FHOD3: variants seen among roughly 807,000 people sequenced by gnomAD.
The protein encoded by FHOD3 is FH1/FH2 domain-containing protein 3.
FHOD3 carries 90 observed loss-of-function variants against 173.0 expected under a neutral mutation model. The ratio of observed to expected loss-of-function variants is 0.52; its 90% CI spans 0.44 to 0.62. The LOEUF is 0.62. Among genes scored for constraint, FHOD3 ranks in the 20% least tolerant of loss-of-function variants. The probability of loss-of-function intolerance (pLI) is 0.00; values close to 1 mark genes in which losing one functional copy is unlikely to be tolerated. For synonymous variants in FHOD3, 828 were observed against 823.0 expected, an observed-to-expected ratio of 1.01 and a Z score of -0.10; for missense variants, 1,945 against 2,034.7, an observed-to-expected ratio of 0.96 and a Z score of 0.85.
In FHOD3 at chr18:36,486,736, CCTTTTGA is replaced by C. The variant is rs2054212286; in HGVS notation, c.338-15194_338-15188del. Among the ~76,000 whole-genome samples the C allele has an allele frequency of 2.0e-5, 3 of 152,174 alleles. No homozygotes were observed. In the South Asian group the frequency reaches 6.2e-4, roughly 32 times the overall value. ...ATGCACACATTTTAAATCCAGTTCA[CCTTTTGA>C]CAACTATATCTCAAACAAGACAAAA... On this transcript the variant is annotated intron_variant, in intron 3 of 28. Transcript: ENST00000590592.
In FHOD3 at chr18:36,297,888, A is replaced by G. The variant is rs780506143; in HGVS notation, c.53A>G (p.Asn18Ser). ...TTCTTGGACGACACGGACCCTTTCAACAGCACCAACTTCCCCGAGCCCAGC... is the reference window on the plus strand; with the variant it reads ...TTCTTGGACGACACGGACCCTTTCAGCAGCACCAACTTCCCCGAGCCCAGC... The part of the protein sequence containing the change: ...VQFLDDTDPF[N>S]STNFPEPSRP... Residue 18 changes from asparagine (N) to serine (S), a missense_variant, in exon 1 of 29, where the codon AAC becomes AGC. This residue lies in a region of FHOD3 where 245 missense variants were observed against 267.7 expected (regional missense o/e 0.92). Transcript: ENST00000590592. 1.3e-6 allele frequency: 2 copies of G among 1,558,328 alleles called. No homozygotes were observed. Among genetic ancestry groups the G allele is most frequent in the East Asian group, 2.4e-5 (1 of 40,912 alleles).
intron 20 of FHOD3, among the ~76,000 whole-genome samples, chr18:36,734,654 C>T (rs1014234896): frequency 6.6e-6 from 1 of 152,174 alleles, no homozygotes; most frequent in Non-Finnish European, 1.5e-5. Context: ...ATGTGCCAAA[C>T]CAATACCCAG....
chr18:36,435,857 T>C (rs1048622613), intron 3 of FHOD3, among the ~76,000 whole-genome samples: 2 of 152,200 alleles, frequency 1.3e-5, no homozygotes, highest in Admixed American at 1.3e-4. Flanking sequence ...GAATTACATT[T>C]TCAACAAGAG....
chr18:36,385,199 T>C (rs939020732), intron 3 of FHOD3, among the ~76,000 whole-genome samples: 81 of 152,350 alleles, frequency 5.3e-4, no homozygotes, highest in African/African-American at 1.8e-3. Flanking sequence ...TTAATGTGTT[T>C]AAAATGTGTT....
chr18:36,574,668 C>T (rs1409474991), intron 5 of FHOD3, among the ~76,000 whole-genome samples: 2 of 151,972 alleles, frequency 1.3e-5, no homozygotes, highest in Non-Finnish European at 2.9e-5. Flanking sequence ...CAAATTATGA[C>T]AATATGTATT....
At chr18:36,674,570 G>A (rs1178511528) in intron 14 of FHOD3, among the ~76,000 whole-genome samples, 1 of 152,100 alleles carries the variant, frequency 6.6e-6, no homozygotes, top group African/African-American at 2.4e-5. Context: ...GCAACTAGGT[G>A]TCTGGTTGGA....
chr18:36,377,132 C>G (rs916369526), intron 3 of FHOD3, among the ~76,000 whole-genome samples: 1 of 152,146 alleles, frequency 6.6e-6, no homozygotes. Context: ...CTTCTGTATT[C>G]GAAGGGTGGG....
chr18:36,547,499 C>T (rs577323991), intron 5 of FHOD3, among the ~76,000 whole-genome samples: 21 of 152,142 alleles, frequency 1.4e-4, no homozygotes, highest in Non-Finnish European at 2.5e-4. Flanking sequence ...TCTTGAACTC[C>T]GGACCTCAGG....
At chr18:36,426,675 C>A (rs1211708945) in intron 3 of FHOD3, among the ~76,000 whole-genome samples, 1 of 152,176 alleles carries the variant, frequency 6.6e-6, no homozygotes, top group Non-Finnish European at 1.5e-5. Flanking sequence ...AATGTTCATT[C>A]AATTCCTACC....
At chr18:36,619,675 C>T (rs1210622927) in intron 9 of FHOD3, among the ~76,000 whole-genome samples, 1 of 152,210 alleles carries the variant, frequency 6.6e-6, no homozygotes, top group African/African-American at 2.4e-5. Flanking sequence ...CTATTCTAGC[C>T]CTGGTGACCC....
At chr18:36,634,267 G>A (rs1468547330) in intron 10 of FHOD3, among the ~76,000 whole-genome samples, 3 of 152,080 alleles carry the variant, frequency 2.0e-5, no homozygotes, top group Admixed American at 6.5e-5. Context: ...GAAGAGTTTT[G>A]GCATCTTTCC....
intron 1 of FHOD3, among the ~76,000 whole-genome samples, chr18:36,323,904 G>T (rs755059965): frequency 4.9e-4 from 75 of 152,310 alleles, no homozygotes; most frequent in Admixed American, 1.8e-3. Context: ...TAGTATGTAA[G>T]AAGACATTTA....
At chr18:36,569,725 C>A (rs57607307) in intron 5 of FHOD3, among the ~76,000 whole-genome samples, 1,994 of 152,204 alleles carry the variant, frequency 0.013, 48 homozygotes, top group African/African-American at 0.045. Flanking sequence ...AATTGAAATA[C>A]TGTAATTTCT....
chr18:36,584,963 T>C (rs1026823069), intron 6 of FHOD3, among the ~76,000 whole-genome samples: 1 of 152,224 alleles, frequency 6.6e-6, no homozygotes, highest in African/African-American at 2.4e-5. Context: ...TCATCATTTT[T>C]TGGTACCTTT....
At chr18:36,717,699 C>G in intron 18 of FHOD3, 133 bp from the exon 19 acceptor site, 1 of 1,392,264 alleles carries the variant, frequency 7.2e-7, no homozygotes, top group Non-Finnish European at 9.4e-7. Flanking sequence ...TTGTCAGCCA[C>G]GGCTTTGACT....
chr18:36,609,156 T>C (rs1415462934), intron 8 of FHOD3, among the ~76,000 whole-genome samples: 1 of 152,184 alleles, frequency 6.6e-6, no homozygotes, highest in Admixed American at 6.5e-5. Context: ...GGATACCAAG[T>C]GTCAGGCAGC....
intron 3 of FHOD3, among the ~76,000 whole-genome samples, chr18:36,446,482 C>T (rs1263030081): frequency 6.6e-6 from 1 of 152,082 alleles, no homozygotes; most frequent in Non-Finnish European, 1.5e-5. Context: ...GAGGTCAGGC[C>T]TAATTCCTCA....
At chr18:36,555,911 A>AT (rs1165642235) in intron 5 of FHOD3, among the ~76,000 whole-genome samples, 1 of 151,926 alleles carries the variant, frequency 6.6e-6, no homozygotes, top group African/African-American at 2.4e-5. Flanking sequence ...CATCCTTTTA[A>AT]TTTTAGCTGA....
intron 3 of FHOD3, among the ~76,000 whole-genome samples, chr18:36,426,049 C>T (rs10468925): frequency 0.25 from 37,686 of 150,828 alleles, 5,164 homozygotes; most frequent in South Asian, 0.41. Context: ...GGACTACAGG[C>T]GGCCACCACC....
Sources: gnomAD v4.1 joint callset for allele counts (sites outside exome capture counted in the v4.1 genomes callset) on GRCh38, gnomAD v4.1.1 for gene constraint, gnomAD v4.1.1 regional missense constraint, MANE v1.5 for transcripts, NCBI Gene and HGNC (gene_info 2026-07-23, HGNC 2026-07-21) for gene names.